Variants in SLC13A3 observed in about 807,000 individuals in gnomAD.
SLC13A3 encodes Na(+)/dicarboxylate cotransporter 3.
A neutral mutation model predicts 59.0 loss-of-function variants in SLC13A3; 40 were observed. That is an observed-to-expected ratio of 0.68 (90% CI 0.53 to 0.88). The LOEUF is 0.88. Ranked by LOEUF, SLC13A3 falls within the 40% of genes least tolerant of loss-of-function variation. The pLI is 0.00. For missense variants in SLC13A3, 699 were observed against 783.2 expected, an observed-to-expected ratio of 0.89 and a Z score of 1.28; for synonymous variants, 317 against 330.3, an observed-to-expected ratio of 0.96 and a Z score of 0.44.
intron 1 of SLC13A3, among the ~76,000 whole-genome samples, chr20:46,682,585 G>A (rs935408557): frequency 5.3e-5 from 8 of 152,146 alleles, no homozygotes; most frequent in African/African-American, 1.7e-4. Flanking sequence ...TTTACTAACT[G>A]AGTGGCCTGG....
At chr20:46,651,586 G>A (rs1406860784), upstream of SLC13A3, 3 of 1,279,544 alleles carry the variant, frequency 2.3e-6, no homozygotes, top group Non-Finnish European at 3.0e-6. Context: ...CTGGGACCGG[G>A]TGAAAGAGGC....
At chr20:46,628,284 C>CT (rs1461216426) in intron 1 of SLC13A3, among the ~76,000 whole-genome samples, 1 of 152,120 alleles carries the variant, frequency 6.6e-6, no homozygotes, top group Non-Finnish European at 1.5e-5. Context: ...GAGCAGTTTG[C>CT]TTTCTTGCCA....
At chr20:46,672,243 G>A (rs1436554045), upstream of SLC13A3, among the ~76,000 whole-genome samples, 1 of 152,212 alleles carries the variant, frequency 6.6e-6, no homozygotes, top group Non-Finnish European at 1.5e-5. Context: ...GAATTGATGT[G>A]CAAATCCCAA....
At chr20:46,604,540 C>G (rs1017701458) in intron 3 of SLC13A3, among the ~76,000 whole-genome samples, 3 of 152,130 alleles carry the variant, frequency 2.0e-5, no homozygotes, top group Admixed American at 6.5e-5. Context: ...GTGGACATTC[C>G]TTGTCTCGCC....
intron 11 of SLC13A3, among the ~76,000 whole-genome samples, chr20:46,565,230 T>C (rs1020608682): frequency 4.6e-5 from 7 of 152,242 alleles, no homozygotes; most frequent in Admixed American, 3.9e-4. Flanking sequence ...TTACAGGAGA[T>C]TGAATTATAG....
chr20:46,572,181 C>T (rs2062034623), intron 10 of SLC13A3, among the ~76,000 whole-genome samples: 1 of 152,186 alleles, frequency 6.6e-6, no homozygotes, highest in African/African-American at 2.4e-5. Context: ...CACCCAGGCT[C>T]ACCCTGGATT....
At chr20:46,600,946 T>A (rs1181668262) in intron 3 of SLC13A3, among the ~76,000 whole-genome samples, 1 of 152,058 alleles carries the variant, frequency 6.6e-6, no homozygotes, top group African/African-American at 2.4e-5. Context: ...TGGCCTCGGG[T>A]CTGAGACCTC....
intron 1 of SLC13A3, among the ~76,000 whole-genome samples, chr20:46,680,360 C>T (rs1310350056): frequency 6.6e-6 from 1 of 152,204 alleles, no homozygotes; most frequent in African/African-American, 2.4e-5. Context: ...AATGATATTG[C>T]TCATTGTCAC....
chr20:46,634,118 A>C (rs1398749819), intron 1 of SLC13A3, among the ~76,000 whole-genome samples: 1 of 152,194 alleles, frequency 6.6e-6, no homozygotes, highest in Non-Finnish European at 1.5e-5. Flanking sequence ...TGCTGATTAA[A>C]GCCCTTTACA....
At chr20:46,617,349 T>C (rs1016932489) in intron 1 of SLC13A3, among the ~76,000 whole-genome samples, 4 of 152,068 alleles carry the variant, frequency 2.6e-5, no homozygotes, top group African/African-American at 9.7e-5. Flanking sequence ...CAATAAACAG[T>C]TCTTAGTCAG....
chr20:46,565,589 G>T (rs1177687055), intron 11 of SLC13A3, among the ~76,000 whole-genome samples: 3 of 152,094 alleles, frequency 2.0e-5, no homozygotes, highest in Non-Finnish European at 4.4e-5. Flanking sequence ...CTCCAAAAGT[G>T]CTGGGATTAC....
intron 3 of SLC13A3, among the ~76,000 whole-genome samples, chr20:46,601,100 T>C (rs1197013929): frequency 6.6e-6 from 1 of 151,032 alleles, no homozygotes; most frequent in African/African-American, 2.4e-5. Flanking sequence ...GAAAGAGGTG[T>C]ATAGGAAAGG....
intron 3 of SLC13A3, among the ~76,000 whole-genome samples, chr20:46,601,354 C>A (rs571103265): frequency 6.6e-6 from 1 of 152,304 alleles, no homozygotes; most frequent in Admixed American, 6.5e-5. Flanking sequence ...GGTAACCATA[C>A]AGACCCTGAG....
intron 12 of SLC13A3, among the ~76,000 whole-genome samples, chr20:46,562,730 AGTCTCT>A (rs1196890219): frequency 6.6e-6 from 1 of 152,014 alleles, no homozygotes; most frequent in Non-Finnish European, 1.5e-5. Flanking sequence ...CAAATCAATG[AGTCTCT>A]GTCTCGTCTC....
intron 11 of SLC13A3, 79 bp from the exon 12 acceptor site, chr20:46,563,630 G>GAC: frequency 6.8e-7 from 1 of 1,473,728 alleles, no homozygotes; most frequent in Non-Finnish European, 9.2e-7. Context: ...GAGAGAGAGA[G>GAC]AGGCAGTTGG....
intron 1 of SLC13A3, among the ~76,000 whole-genome samples, chr20:46,675,727 A>G (rs2063121024): frequency 6.6e-6 from 1 of 151,840 alleles, no homozygotes; most frequent in Non-Finnish European, 1.5e-5. Context: ...GACTACAGGC[A>G]TGCACCACCT....
In SLC13A3 at chr20:46,600,009, A is replaced by G. The variant is rs2062356413; in HGVS notation, c.570T>C (p.Thr190=). 5.7e-6 allele frequency: 9 copies of G among 1,591,120 alleles called. No homozygotes were observed. Among genetic ancestry groups the G allele is most frequent in the South Asian group, 2.3e-5 (2 of 88,168 alleles). The change falls in exon 4 of 13, where the codon ACT becomes ACC. Residue 190 remains threonine (T), a synonymous_variant. Transcript: ENST00000279027. ...TAAVRRNGLH[T]VPTEMQFLAS... ...CGAGAAACTGCATCTCCGTGGGCAC[A>G]GTGTGTAGGCCGTTTCTCCGCACAG...
chr20:46,566,226 C>T lies in SLC13A3; in HGVS notation c.1494+3G>A. On this transcript the variant is annotated splice_donor_region_variant and intron_variant, in intron 11 of 12. Transcript: ENST00000279027. ...CTCCCCTCTTCCCCAGAAGGACCCT[C>T]ACCAGCTCTGCCAGGACCGGCAGGA... The T allele has an allele frequency of 6.2e-7, 1 of 1,613,104 alleles. No homozygotes were observed.
intron 1 of SLC13A3, among the ~76,000 whole-genome samples, chr20:46,669,271 C>T (rs189682694): frequency 2.4e-4 from 37 of 152,184 alleles, no homozygotes; most frequent in African/African-American, 7.5e-4. Flanking sequence ...TTCCACCCCC[C>T]TCGTGGACCC....
Sources: allele counts gnomAD v4.1 joint callset (sites outside exome capture counted in the v4.1 genomes callset), GRCh38; gene constraint gnomAD v4.1.1; transcripts MANE v1.5; gene names NCBI Gene and HGNC (gene_info 2026-07-23, HGNC 2026-07-21).